ACVR1: variants seen among roughly 807,000 people sequenced by gnomAD.
ACVR1 encodes activin receptor type-1.
Under a neutral mutation model 57.1 loss-of-function variants are expected in ACVR1, and 38 were observed. That is an observed-to-expected ratio of 0.67 (90% CI 0.51 to 0.87). The LOEUF is 0.87. Ranked by LOEUF, ACVR1 falls within the 40% of genes least tolerant of loss-of-function variation. The probability of loss-of-function intolerance (pLI) is 0.00; values close to 1 mark genes in which losing one functional copy is unlikely to be tolerated. For synonymous variants in ACVR1, 212 were observed against 228.1 expected, an observed-to-expected ratio of 0.93 and a Z score of 0.63; for missense variants, 463 against 638.2, an observed-to-expected ratio of 0.73 and a Z score of 2.96.
intron 8 of ACVR1, among the ~76,000 whole-genome samples, chr2:157,762,719 A>T (rs1026072847): frequency 6.6e-6 from 1 of 152,180 alleles, no homozygotes; most frequent in Non-Finnish European, 1.5e-5. Flanking sequence ...CACAGTTAGG[A>T]TATAACAGAT....
In ACVR1 at chr2:157,744,862, C is replaced by A. The variant is rs572892020; in HGVS notation, c.1265-6292G>T. On this transcript the variant is annotated intron_variant, in intron 9 of 10. Transcript: ENST00000434821. ...GTTCTGGCCGCTTGGCCCGGCCACACTGCCAGAGGGTTATGAGAATCAGTA... is the reference window on the plus strand; with the variant it reads ...GTTCTGGCCGCTTGGCCCGGCCACAATGCCAGAGGGTTATGAGAATCAGTA... Among the ~76,000 whole-genome samples, 14 of 152,352 alleles carry A rather than the reference C, an allele frequency of 9.2e-5. No homozygotes were observed. In the East Asian group the frequency reaches 2.5e-3, roughly 27 times the overall value.
At chr2:157,781,752 T>C (rs1283528214) in intron 3 of ACVR1, among the ~76,000 whole-genome samples, 1 of 152,250 alleles carries the variant, frequency 6.6e-6, no homozygotes, top group Non-Finnish European at 1.5e-5. Flanking sequence ...ATTTTCACAT[T>C]ACTCTTTTCT....
intron 1 of ACVR1, among the ~76,000 whole-genome samples, chr2:157,845,261 G>T (rs779026987): frequency 2.3e-4 from 35 of 152,194 alleles, no homozygotes; most frequent in Non-Finnish European, 1.6e-4. Context: ...CTGTGAGTGT[G>T]ACCTTATTTG....
chr2:157,772,857 T>C (rs1239391422), intron 6 of ACVR1, among the ~76,000 whole-genome samples: 1 of 152,182 alleles, frequency 6.6e-6, no homozygotes, highest in Non-Finnish European at 1.5e-5. Flanking sequence ...ACAATAGCCG[T>C]AGACCTAGAG....
intron 1 of ACVR1, among the ~76,000 whole-genome samples, chr2:157,866,896 C>T: frequency 6.6e-6 from 1 of 152,184 alleles, no homozygotes; most frequent in South Asian, 2.1e-4. Context: ...CCACTTCTTC[C>T]CATTTCCAAA....
chr2:157,827,557 T>G (rs1375539758), intron 1 of ACVR1, among the ~76,000 whole-genome samples: 1 of 152,226 alleles, frequency 6.6e-6, no homozygotes, highest in East Asian at 1.9e-4. Flanking sequence ...AAATAGTCTC[T>G]TACTTATCTC....
At chr2:157,784,902 G>A (rs894703152) in intron 3 of ACVR1, among the ~76,000 whole-genome samples, 3 of 152,212 alleles carry the variant, frequency 2.0e-5, no homozygotes, top group African/African-American at 7.2e-5. Flanking sequence ...CCACAATTTG[G>A]TATAATCTTG....
rs564680751 is a variant in ACVR1 at position 157,750,685 on chromosome 2, G to GA, written c.1264+10194dup. Among the ~76,000 whole-genome samples the GA allele has an allele frequency of 8.5e-4, 129 of 151,776 alleles. 1 individual carries two copies. Among genetic ancestry groups the GA allele is most frequent in the African/African-American group, 2.8e-3 (114 of 41,396 alleles). Reference sequence around the variant, plus strand: ...ATCAACGTAGAGACACAAAGAACATGAAAAAAACAAGGAAACATGACACAG... The same window carrying GA: ...ATCAACGTAGAGACACAAAGAACATGAAAAAAAACAAGGAAACATGACACAG... On this transcript the variant is annotated intron_variant, in intron 9 of 10. Transcript: ENST00000434821.
intron 3 of ACVR1, among the ~76,000 whole-genome samples, chr2:157,784,476 T>C (rs753983247): frequency 1.3e-5 from 2 of 152,232 alleles, no homozygotes; most frequent in Non-Finnish European, 1.5e-5. Context: ...AATAATTCAG[T>C]AATTTAAATG....
At chr2:157,871,200 A>G (rs1390139636) in intron 1 of ACVR1, among the ~76,000 whole-genome samples, 4 of 152,222 alleles carry the variant, frequency 2.6e-5, no homozygotes, top group Non-Finnish European at 5.9e-5. Flanking sequence ...TTGCCCTCAA[A>G]GAGATCAATC....
At chr2:157,842,021 C>T (rs1185050956) in intron 1 of ACVR1, among the ~76,000 whole-genome samples, 8 of 72,492 alleles carry the variant, frequency 1.1e-4, no homozygotes, top group Non-Finnish European at 1.8e-4. Flanking sequence ...AGAGAGACTC[C>T]ATCTCAAAAA....
Position 157,855,308 on chromosome 2 carries a change from G to C in ACVR1, c.-183+20488C>G, listed in dbSNP as rs71351541. 2.1e-4 allele frequency among the ~76,000 whole-genome samples: 11 copies of C among 51,654 alleles called. 1 individual carries two copies. Among genetic ancestry groups the C allele is most frequent in the Non-Finnish European group, 3.7e-4 (10 of 26,868 alleles). The allele number at this position is 51,654 out of a possible 152,430, so 33.9% of individuals were successfully genotyped here. On this transcript the variant is annotated intron_variant, in intron 1 of 10. Transcript: ENST00000434821. Reference sequence around the variant, plus strand: ...TGTGTGTGTGTGTGTGTGTGTGTGTGTATATATATATATATACACACACAC... The same window carrying C: ...TGTGTGTGTGTGTGTGTGTGTGTGTCTATATATATATATATACACACACAC...
chr2:157,861,015 G>T (rs953734703), intron 1 of ACVR1, among the ~76,000 whole-genome samples: 2 of 152,162 alleles, frequency 1.3e-5, no homozygotes, highest in African/African-American at 4.8e-5. Flanking sequence ...AGTTTTAAAG[G>T]TTGCTGTCTC....
intron 1 of ACVR1, among the ~76,000 whole-genome samples, chr2:157,835,361 C>G (rs1688745558): frequency 6.6e-6 from 1 of 152,102 alleles, no homozygotes; most frequent in South Asian, 2.1e-4. Context: ...CAGAATTATC[C>G]TAAGAATTAA....
At chr2:157,853,000 T>C (rs1390733779) in intron 1 of ACVR1, among the ~76,000 whole-genome samples, 5 of 152,200 alleles carry the variant, frequency 3.3e-5, no homozygotes, top group South Asian at 2.1e-4. Context: ...ATAAAACTTA[T>C]TGTAGCTAGT....
At chr2:157,847,262 C>G (rs570410362) in intron 1 of ACVR1, among the ~76,000 whole-genome samples, 1 of 152,274 alleles carries the variant, frequency 6.6e-6, no homozygotes, top group East Asian at 1.9e-4. Flanking sequence ...CCTTTTATTT[C>G]TAGTCTTGGG....
intron 8 of ACVR1, among the ~76,000 whole-genome samples, chr2:157,764,192 A>AT (rs1306392790): frequency 2.0e-5 from 3 of 151,040 alleles, no homozygotes; most frequent in Admixed American, 6.6e-5. Context: ...CTATATATAT[A>AT]TTTTTTTTTA....
At chr2:157,860,412 AC>A (rs1275133758) in intron 1 of ACVR1, among the ~76,000 whole-genome samples, 1 of 152,098 alleles carries the variant, frequency 6.6e-6, no homozygotes, top group Admixed American at 6.6e-5. Flanking sequence ...GCTACCCACC[AC>A]CCCTAGGGTA....
Position 157,783,573 on chromosome 2 carries a change from T to G in ACVR1, c.68-2973A>C, listed in dbSNP as rs114768531. On this transcript the variant is annotated intron_variant, in intron 3 of 10. Transcript: ENST00000434821. ...CAACCAGGGATTAACTGCCTGTAAG[T>G]TGGTGATTCTTTTCAGTAAGATGTG... is the stretch of plus-strand genomic sequence containing the variant. Among the ~76,000 whole-genome samples, 555 of 152,308 alleles carry G rather than the reference T, an allele frequency of 3.6e-3. 4 individuals are homozygous for G. Among genetic ancestry groups the G allele is most frequent in the African/African-American group, 0.012 (480 of 41,564 alleles).
Sources: gnomAD v4.1 joint callset for allele counts (sites outside exome capture counted in the v4.1 genomes callset) on GRCh38, gnomAD v4.1.1 for gene constraint, MANE v1.5 for transcripts, NCBI Gene and HGNC (gene_info 2026-07-23, HGNC 2026-07-21) for gene names.